DDX10: variants seen among roughly 807,000 people sequenced by gnomAD.
DDX10 encodes the protein DEAD-box helicase 10.
A neutral mutation model predicts 104.3 loss-of-function variants in DDX10; 74 were observed. That is an observed-to-expected ratio of 0.71 (90% CI 0.59 to 0.86). The LOEUF is 0.86. DDX10 is among the 40% of genes least tolerant of loss of function. DDX10 has a pLI of 0.00. For synonymous variants in DDX10, 351 were observed against 353.4 expected, an observed-to-expected ratio of 0.99 and a Z score of 0.08; for missense variants, 952 against 1,040.0, an observed-to-expected ratio of 0.92 and a Z score of 1.16.
intron 13 of DDX10, among the ~76,000 whole-genome samples, chr11:108,729,510 C>T (rs112176955): frequency 1.3e-5 from 2 of 151,886 alleles, no homozygotes; most frequent in Non-Finnish European, 1.5e-5. Context: ...CAGTGCAGCT[C>T]GACTGAGCAA....
At chr11:108,688,838 G>A in intron 6 of DDX10, 98 bp from the exon 7 acceptor site, 1 of 1,346,398 alleles carries the variant, frequency 7.4e-7, no homozygotes, top group East Asian at 2.3e-5. Context: ...ATTTGCTTGA[G>A]AGATGTGCCA....
chr11:108,764,310 T>C (rs1416096540), intron 13 of DDX10, among the ~76,000 whole-genome samples: 2 of 152,114 alleles, frequency 1.3e-5, no homozygotes, highest in Non-Finnish European at 1.5e-5. Context: ...AATTTTGATG[T>C]TGGGGGGAAT....
At chr11:108,763,318 A>G (rs1355488941) in intron 13 of DDX10, among the ~76,000 whole-genome samples, 1 of 152,126 alleles carries the variant, frequency 6.6e-6, no homozygotes, top group Non-Finnish European at 1.5e-5. Context: ...GGTCATCCTC[A>G]CTTGGGCTTA....
intron 17 of DDX10, among the ~76,000 whole-genome samples, chr11:108,929,308 G>T (rs973072969): frequency 1.3e-5 from 2 of 152,174 alleles, no homozygotes; most frequent in African/African-American, 4.8e-5. Flanking sequence ...GTTCACTTTA[G>T]CCAAGATGGT....
intron 16 of DDX10, among the ~76,000 whole-genome samples, chr11:108,863,555 A>G (rs1384423692): frequency 6.6e-6 from 1 of 152,130 alleles, no homozygotes; most frequent in Non-Finnish European, 1.5e-5. Flanking sequence ...TCATCCATTT[A>G]TTTATATTAG....
intron 16 of DDX10, among the ~76,000 whole-genome samples, chr11:108,878,613 A>G (rs1863184371): frequency 6.6e-6 from 1 of 152,140 alleles, no homozygotes; most frequent in South Asian, 2.1e-4. Context: ...ACTTCCTATA[A>G]TGTTTCACTT....
At chr11:108,781,496 C>G (rs2094378064) in intron 13 of DDX10, among the ~76,000 whole-genome samples, 1 of 152,074 alleles carries the variant, frequency 6.6e-6, no homozygotes, top group Non-Finnish European at 1.5e-5. Context: ...GTGGTATATG[C>G]CAAATAGTAT....
intron 16 of DDX10, among the ~76,000 whole-genome samples, chr11:108,902,948 G>A (rs1251852581): frequency 6.6e-6 from 1 of 151,866 alleles, no homozygotes; most frequent in Non-Finnish European, 1.5e-5. Context: ...TTTACGTACT[G>A]TAAAATTAAA....
chr11:108,880,575 C>G (rs1863214619), intron 16 of DDX10, among the ~76,000 whole-genome samples: 1 of 152,072 alleles, frequency 6.6e-6, no homozygotes, highest in Non-Finnish European at 1.5e-5. Context: ...CAGATATATT[C>G]AAATGACAGT....
chr11:108,898,599 G>T (rs1863471296), intron 16 of DDX10, among the ~76,000 whole-genome samples: 1 of 146,322 alleles, frequency 6.8e-6, no homozygotes, highest in African/African-American at 2.5e-5. Flanking sequence ...AAATACACCA[G>T]AATTTCTACA....
intron 15 of DDX10, among the ~76,000 whole-genome samples, chr11:108,848,361 G>A (rs2466940): frequency 0.23 from 35,561 of 152,002 alleles, 4,549 homozygotes; most frequent in African/African-American, 0.32. Context: ...AAGATCAGAA[G>A]TGTCATCTTG....
At chr11:108,743,116 T>C (rs1311850888) in intron 13 of DDX10, among the ~76,000 whole-genome samples, 1 of 152,120 alleles carries the variant, frequency 6.6e-6, no homozygotes, top group Non-Finnish European at 1.5e-5. Context: ...TGAACATAGA[T>C]GCAAAAATCC....
At chr11:108,790,926 A>G (rs966061506) in intron 13 of DDX10, among the ~76,000 whole-genome samples, 2 of 152,220 alleles carry the variant, frequency 1.3e-5, no homozygotes, top group African/African-American at 4.8e-5. Flanking sequence ...ATTTATCTAC[A>G]GAATAAAAAT....
At chr11:108,919,919 G>A (rs1299057660) in intron 17 of DDX10, 1 of 150,114 alleles carries the variant, frequency 6.7e-6, no homozygotes, top group East Asian at 2.0e-4. Context: ...CCTGTTAATT[G>A]GCTGTAAATG....
At chr11:108,706,572 T>A (rs1417286162) in intron 9 of DDX10, among the ~76,000 whole-genome samples, 167 bp from the exon 10 acceptor site, 1 of 152,272 alleles carries the variant, frequency 6.6e-6, no homozygotes, top group Non-Finnish European at 1.5e-5. Context: ...ATGAAAATGA[T>A]ATGAGGTGTT....
chr11:108,816,551 T>G (rs966093233), intron 13 of DDX10, among the ~76,000 whole-genome samples: 1 of 137,954 alleles, frequency 7.2e-6, no homozygotes, highest in African/African-American at 2.5e-5. Flanking sequence ...CCAATAAAAA[T>G]AGCCTTTTTT....
rs1412920915 is a variant in DDX10 at position 108,691,984 on chromosome 11, G to A, written c.1084G>A (p.Val362Ile). Reference protein sequence around the residue: ...MRRMEVYNEFVRKRAAVLFAT... With the variant: ...MRRMEVYNEFIRKRAAVLFAT... The stretch of plus-strand genomic sequence containing the variant: ...AAGAATGGAAGTCTATAATGAGTTT[G>A]TCCGTAAGAGAGCTGCAGTACTCTT... Residue 362 changes from valine (V) to isoleucine (I), a missense_variant, in exon 8 of 18, where the codon GTC becomes ATC. This residue lies in a region of DDX10 where 412 missense variants were observed against 479.2 expected (regional missense o/e 0.86). Transcript: ENST00000322536. The A allele has an allele frequency of 2.5e-6, 4 of 1,613,968 alleles. No homozygotes were observed. Among genetic ancestry groups the A allele is most frequent in the African/African-American group, 2.7e-5 (2 of 74,924 alleles).
chr11:108,722,893 T>TA (rs1565258518), intron 12 of DDX10, 104 bp from the exon 13 acceptor site: 3 of 1,443,196 alleles, frequency 2.1e-6, no homozygotes, highest in Non-Finnish European at 2.7e-6. Context: ...ACATTTTCTT[T>TA]AAAAAAGCTC....
chr11:108,825,283 T>C (rs1443764742), intron 13 of DDX10, among the ~76,000 whole-genome samples: 1 of 151,942 alleles, frequency 6.6e-6, no homozygotes, highest in Non-Finnish European at 1.5e-5. Context: ...AGGGAAACAG[T>C]GGAGGGGAAT....
Sources: gnomAD v4.1 joint callset for allele counts (sites outside exome capture counted in the v4.1 genomes callset) on GRCh38, gnomAD v4.1.1 for gene constraint, gnomAD v4.1.1 regional missense constraint, MANE v1.5 for transcripts, NCBI Gene and HGNC (gene_info 2026-07-23, HGNC 2026-07-21) for gene names.